The following ALK variants were observed in gnomAD, a reference collection of about 807,000 sequenced individuals.
The protein encoded by ALK is ALK receptor tyrosine kinase, also known as ALK tyrosine kinase receptor.
Under a neutral mutation model 163.1 loss-of-function variants are expected in ALK, and 74 were observed. The ratio of observed to expected loss-of-function variants is 0.45; its 90% CI spans 0.38 to 0.55. ALK has a LOEUF of 0.55. Among genes scored for constraint, ALK ranks in the 20% least tolerant of loss-of-function variants. The pLI is 0.00. For missense variants in ALK, 2,063 were observed against 2,105.3 expected, an observed-to-expected ratio of 0.98 and a Z score of 0.39; for synonymous variants, 960 against 843.2, an observed-to-expected ratio of 1.14 and a Z score of -2.40.
rs868705851 is a variant in ALK, at chr2:29,470,182, T to G, written c.1154+61733A>C. On this transcript the variant is annotated intron_variant, in intron 4 of 28. Coordinates refer to ENST00000389048, the MANE Select transcript of ALK (RefSeq NM_004304.5). ...GAAGAGAGACTCACAGAAAATGCCC[T>G]GATTGAATAATAGGAAGAAGAAAAA... Among the ~76,000 whole-genome samples, 31 of 151,898 alleles carry G rather than the reference T, an allele frequency of 2.0e-4. No individual in the cohort carries two copies. In the Middle Eastern group the frequency reaches 0.01, roughly 50 times the overall value.
intron 4 of ALK, among the ~76,000 whole-genome samples, chr2:29,464,518 T>C (rs1052594549): frequency 2.6e-5 from 4 of 152,122 alleles, no homozygotes; most frequent in Admixed American, 2.6e-4. Flanking sequence ...TGTGTGTGCC[T>C]TCATGTAAAG....
At chr2:29,469,233 C>T (rs150494306) in intron 4 of ALK, among the ~76,000 whole-genome samples, 358 of 152,250 alleles carry the variant, frequency 2.4e-3, no homozygotes, top group Admixed American at 6.1e-3. Context: ...AGAACCATTC[C>T]ACATCTGTGG....
Position 29,564,018 on chromosome 2 carries a change from C to T in ALK, c.953-31902G>A, listed in dbSNP as rs117097267. ...TATAAAAAGAAGCTTGAGATTTATG[C>T]CCTTTAAGGTGGTTCTTTAGGACAT... On this transcript the variant is annotated intron_variant, in intron 3 of 28. Coordinates refer to ENST00000389048, the MANE Select transcript of ALK (RefSeq NM_004304.5). 4.6e-4 allele frequency among the ~76,000 whole-genome samples: 70 copies of T among 152,018 alleles called. 3 individuals are homozygous for T. In the East Asian group the frequency reaches 0.013, roughly 28 times the overall value.
At chr2:29,305,384 G>T (rs901876794) in intron 8 of ALK, among the ~76,000 whole-genome samples, 2 of 152,164 alleles carry the variant, frequency 1.3e-5, no homozygotes, top group African/African-American at 4.8e-5. Flanking sequence ...TCTTGGACCT[G>T]CAGATAAGGT....
chr2:29,766,577 TG>T (rs1430593908), intron 1 of ALK, among the ~76,000 whole-genome samples: 1 of 152,226 alleles, frequency 6.6e-6, no homozygotes, highest in African/African-American at 2.4e-5. Context: ...ACCTCTGTTA[TG>T]GCATCTAAAC....
At chr2:29,758,622 C>G (rs1331632996) in intron 1 of ALK, among the ~76,000 whole-genome samples, 1 of 152,172 alleles carries the variant, frequency 6.6e-6, no homozygotes, top group Non-Finnish European at 1.5e-5. Context: ...CCTTGGCTCC[C>G]TCCTCGGCTC....
At chr2:29,640,288 CT>C (rs1676664823) in intron 3 of ALK, among the ~76,000 whole-genome samples, 1 of 152,094 alleles carries the variant, frequency 6.6e-6, no homozygotes, top group African/African-American at 2.4e-5. Context: ...GGAGGTGGGG[CT>C]TGGTGGGGAA....
chr2:29,443,102 C>T (rs2148083558), intron 4 of ALK, among the ~76,000 whole-genome samples: 1 of 152,252 alleles, frequency 6.6e-6, no homozygotes, highest in Non-Finnish European at 1.5e-5. Context: ...CTTTCCCATC[C>T]CTGTGGCATT....
rs566916745 is a variant in ALK at position 29,431,857 on chromosome 2, C to T, written c.1155-47998G>A. Among the ~76,000 whole-genome samples the T allele has an allele frequency of 2.2e-4, 34 of 152,176 alleles. 1 individual carries two copies. In the South Asian group the frequency reaches 2.7e-3, roughly 12 times the overall value. On this transcript the variant is annotated intron_variant, in intron 4 of 28. Transcript: ENST00000389048. ...TACTAGGTAATAGGCACTTTGGGGA[C>T]CCAGATACAAGTCAGATGTGTACTC... is the stretch of plus-strand genomic sequence containing the variant.
chr2:29,572,311 T>G (rs1674398064), intron 3 of ALK, among the ~76,000 whole-genome samples: 1 of 152,202 alleles, frequency 6.6e-6, no homozygotes, highest in African/African-American at 2.4e-5. Context: ...GTCAGCGTTG[T>G]GGGCCATTCA....
chr2:29,331,077 G>T (rs1327126252), intron 5 of ALK, among the ~76,000 whole-genome samples: 1 of 152,148 alleles, frequency 6.6e-6, no homozygotes. Flanking sequence ...ATCACTGGGA[G>T]CCCAGAGTAG....
At chr2:29,706,141 G>T (rs1678905639) in intron 2 of ALK, among the ~76,000 whole-genome samples, 1 of 152,148 alleles carries the variant, frequency 6.6e-6, no homozygotes, top group African/African-American at 2.4e-5. Flanking sequence ...ATGGAGTGGG[G>T]GAATAAAATG....
At chr2:29,259,140 A>G (rs1347251698) in intron 11 of ALK, among the ~76,000 whole-genome samples, 2 of 152,144 alleles carry the variant, frequency 1.3e-5, no homozygotes, top group Non-Finnish European at 2.9e-5. Flanking sequence ...TCAGAAACAC[A>G]TGTGATAGTT....
At chr2:29,567,771 C>T (rs1387903119) in intron 3 of ALK, among the ~76,000 whole-genome samples, 1 of 152,124 alleles carries the variant, frequency 6.6e-6, no homozygotes, top group Non-Finnish European at 1.5e-5. Context: ...TCTGAACTCC[C>T]TTTCTAGTCT....
At chr2:29,422,699 C>T (rs111240260) in intron 4 of ALK, among the ~76,000 whole-genome samples, 2 of 152,120 alleles carry the variant, frequency 1.3e-5, no homozygotes, top group Non-Finnish European at 2.9e-5. Context: ...CCGGTGACAT[C>T]TCTTGCCAGC....
chr2:29,892,579 T>A (rs1005113362), intron 1 of ALK, among the ~76,000 whole-genome samples: 1 of 152,134 alleles, frequency 6.6e-6, no homozygotes, highest in Admixed American at 6.5e-5. Context: ...ACCCTCACAA[T>A]GAGCAATTAT....
At chr2:29,749,529 ACCAACTAGACC>A (rs1045262122) in intron 1 of ALK, among the ~76,000 whole-genome samples, 4 of 152,170 alleles carry the variant, frequency 2.6e-5, no homozygotes, top group African/African-American at 9.6e-5. Context: ...GGGACTGCTG[ACCAACTAGACC>A]CAGGGGTCTC....
rs192941024 is a variant in ALK at position 29,220,978 on chromosome 2, C to T, written c.3516-143G>A. 75 of 1,172,074 alleles carry T rather than the reference C, an allele frequency of 6.4e-5. No homozygotes were observed. In the African/African-American group the frequency reaches 7.8e-4, roughly 12 times the overall value. The allele number at this position is 1,172,074 out of a possible 1,614,324, so 72.6% of individuals were successfully genotyped here. A position where few individuals can be genotyped will look rare whatever the true frequency, so the allele number is the denominator to read the frequency against. Reference sequence around the variant, plus strand: ...CTGTAAACATGGGCAGCAGGGGTCCCGGGCTGAGCCTAAACCCAGAATCTT... The same window carrying T: ...CTGTAAACATGGGCAGCAGGGGTCCTGGGCTGAGCCTAAACCCAGAATCTT... On this transcript the variant is annotated intron_variant, in intron 22 of 28. Coordinates refer to ENST00000389048, the MANE Select transcript of ALK (RefSeq NM_004304.5).
chr2:29,529,168 C>T (rs574683179), intron 4 of ALK, among the ~76,000 whole-genome samples: 6 of 152,312 alleles, frequency 3.9e-5, no homozygotes, highest in South Asian at 4.2e-4. Flanking sequence ...CACCTGCTCA[C>T]GACACAGTGG....
Sources: allele counts gnomAD v4.1 joint callset (sites outside exome capture counted in the v4.1 genomes callset), GRCh38; gene constraint gnomAD v4.1.1; transcripts MANE v1.5; gene names NCBI Gene and HGNC (gene_info 2026-07-23, HGNC 2026-07-21).